The following ADAMTS15 variants were observed in gnomAD, a reference collection of about 807,000 sequenced individuals.
The protein encoded by ADAMTS15 is ADAM metallopeptidase with thrombospondin type 1 motif 15.
A neutral mutation model predicts 79.1 loss-of-function variants in ADAMTS15; 35 were observed. The ratio of observed to expected loss-of-function variants is 0.44; its 90% CI spans 0.34 to 0.59. ADAMTS15 has a LOEUF of 0.59. Among genes scored for constraint, ADAMTS15 ranks in the 20% least tolerant of loss-of-function variants. The probability of loss-of-function intolerance (pLI) is 0.02; values close to 1 mark genes in which losing one functional copy is unlikely to be tolerated. For synonymous variants in ADAMTS15, 616 were observed against 567.3 expected (o/e 1.09, Z -1.22); for missense variants, 1,324 against 1,318.7 (o/e 1.00, Z -0.06).
chr11:130,448,881 G>A lies in ADAMTS15; in HGVS notation c.-93G>A, dbSNP rs1937887919. 9 of 994,164 alleles carry A rather than the reference G, an allele frequency of 9.1e-6. No individual in the cohort carries two copies. The highest frequency in any genetic ancestry group is 3.0e-5 in the South Asian group (1 of 33,128). The allele number at this position is 994,164 out of a possible 1,614,324, so 61.6% of individuals were successfully genotyped here. On this transcript the variant is annotated 5_prime_UTR_variant, in exon 1 of 8. Coordinates refer to ENST00000299164, the MANE Select transcript of ADAMTS15 (RefSeq NM_139055.4). ...TGCCGGCTGTCCCGTAGCGTTGGCG[G>A]TTCCAGAGTGCGGGCTGCACGGAGA... is the stretch of plus-strand genomic sequence containing the variant.
At chr11:130,468,830 G>C (rs1371604238) in intron 4 of ADAMTS15, among the ~76,000 whole-genome samples, 2 of 150,456 alleles carry the variant, frequency 1.3e-5, no homozygotes, top group East Asian at 3.9e-4. Flanking sequence ...CCAGCTACTC[G>C]GGAGGCTGAG....
At chr11:130,460,277 GTTT>G (rs200642180) in intron 1 of ADAMTS15, among the ~76,000 whole-genome samples, 26 of 143,826 alleles carry the variant, frequency 1.8e-4, no homozygotes, top group Middle Eastern at 3.5e-3. Context: ...CACATCTTCT[GTTT>G]TTTTTTTTTT....
chr11:130,463,298 G>A (rs1938239766), intron 4 of ADAMTS15, among the ~76,000 whole-genome samples: 1 of 152,250 alleles, frequency 6.6e-6, no homozygotes, highest in Non-Finnish European at 1.5e-5. Flanking sequence ...TTCCATTTCT[G>A]TTGCGATTGC....
At chr11:130,456,915 C>T (rs544213813) in intron 1 of ADAMTS15, among the ~76,000 whole-genome samples, 2 of 152,260 alleles carry the variant, frequency 1.3e-5, no homozygotes, top group Admixed American at 6.5e-5. Flanking sequence ...CATGAGAATG[C>T]GTATGTCTTC....
rs552356435 is a variant in ADAMTS15, at chr11:130,468,782, A to T, written c.1543-480A>T. Among the ~76,000 whole-genome samples, 1,370 of 148,962 alleles carry T rather than the reference A, an allele frequency of 9.2e-3. 22 individuals are homozygous for T. The highest frequency in any genetic ancestry group is 0.031 in the African/African-American group (1,257 of 40,338). On this transcript the variant is annotated intron_variant, in intron 4 of 7. Coordinates refer to ENST00000299164, the MANE Select transcript of ADAMTS15 (RefSeq NM_139055.4). ...TCCATCTCAAAAAAAAAAAAAAAAA[A>T]AATAATTAGCCGGGCATGGTAGCCG...
At position 130,471,182 on chromosome 11, in the gene ADAMTS15, C is replaced by T. The variant is rs752326466; in HGVS notation, c.1903-26C>T. The T allele has an allele frequency of 3.2e-5, 51 of 1,586,318 alleles. No individual in the cohort carries two copies. In the East Asian group the frequency reaches 1.1e-3, roughly 35 times the overall value. ...CAGCTGAGCTGCCCTGCTCTTCCTT[C>T]TTTTTCCCCTTCTGGGGTGCTGCAG... On this transcript the variant is annotated intron_variant, in intron 6 of 7. Transcript: ENST00000299164.
At chr11:130,467,584 G>T (rs1231503664) in intron 4 of ADAMTS15, among the ~76,000 whole-genome samples, 1 of 152,096 alleles carries the variant, frequency 6.6e-6, no homozygotes, top group Non-Finnish European at 1.5e-5. Context: ...TTCCATGTGA[G>T]TTAGGCACTG....
intron 4 of ADAMTS15, 131 bp from the exon 5 acceptor site, chr11:130,469,131 A>G (rs1249746408): frequency 4.3e-6 from 4 of 920,008 alleles, no homozygotes; most frequent in East Asian, 3.0e-5. Context: ...TTCCTTCATG[A>G]TACAACATTA....
rs149819360 is a variant in ADAMTS15 at position 130,473,638 on chromosome 11, C to T, written c.2670C>T (p.Cys890=). The T allele has an allele frequency of 5.7e-5, 92 of 1,608,192 alleles. 1 individual carries two copies. Among genetic ancestry groups the T allele is most frequent in the African/African-American group, 9.3e-5 (7 of 74,928 alleles). Residue 890 remains cysteine (C), a synonymous_variant, in exon 8 of 8, where the codon TGC becomes TGT. Coordinates refer to ENST00000299164, the MANE Select transcript of ADAMTS15 (RefSeq NM_139055.4). ...AAHRPVETQA[C]GEPCPTWELS... The stretch of plus-strand genomic sequence containing the variant: ...ATCGGCCCGTGGAGACACAAGCCTG[C>T]GGGGAGCCCTGCCCCACCTGGGAGC...
Position 130,475,951 on chromosome 11 carries a change from C to T in ADAMTS15, c.*2130C>T, listed in dbSNP as rs2134746900. The T allele has an allele frequency of 6.6e-6, 1 of 152,372 alleles. No individual in the cohort carries two copies. 9.4% of individuals were successfully genotyped at this position (152,372 alleles called of 1,614,324 possible). A position where few individuals can be genotyped will look rare whatever the true frequency, so the allele number is the denominator to read the frequency against. ...GCTGGCCTCCAGTAGAGGAGAGCAG[C>T]TTTTGCCATCAGTCACTTTACAAAC... On this transcript the variant is annotated 3_prime_UTR_variant, in exon 8 of 8. Coordinates refer to ENST00000299164, the MANE Select transcript of ADAMTS15 (RefSeq NM_139055.4).
intron 4 of ADAMTS15, among the ~76,000 whole-genome samples, chr11:130,466,293 T>C (rs1209822643): frequency 6.6e-6 from 1 of 151,976 alleles, no homozygotes; most frequent in Non-Finnish European, 1.5e-5. Context: ...ATTTAGAGCT[T>C]GAAGACTCCC....
chr11:130,449,189 T>G lies in ADAMTS15; in HGVS notation c.216T>G (p.Ala72=). 6.2e-7 allele frequency: 1 copy of G among 1,613,226 alleles called. No homozygotes were observed. Among genetic ancestry groups the G allele is most frequent in the Non-Finnish European group, 8.5e-7 (1 of 1,179,416 alleles). Residue 72 remains alanine, a synonymous_variant, in exon 1 of 8, where the codon GCT becomes GCG. Transcript: ENST00000299164. The surrounding 1 kb of genome is among the most constrained non-coding windows in gnomAD (Gnocchi z 7.8). Reference sequence around the variant, plus strand: ...TTTACCTACACCTGACGCCGGATGCTCAGTTCTTGGCTCCCGCCTTCTCCA... The same window carrying G: ...TTTACCTACACCTGACGCCGGATGCGCAGTTCTTGGCTCCCGCCTTCTCCA... ...EDFYLHLTPD[A]QFLAPAFSTE...
chr11:130,452,265 A>T (rs1475248146), intron 1 of ADAMTS15, among the ~76,000 whole-genome samples: 1 of 152,166 alleles, frequency 6.6e-6, no homozygotes, highest in Admixed American at 6.5e-5. Flanking sequence ...GTATTTTGAC[A>T]ATTTGAGGAG....
At chr11:130,454,098 G>A (rs1447836629) in intron 1 of ADAMTS15, among the ~76,000 whole-genome samples, 6 of 152,344 alleles carry the variant, frequency 3.9e-5, no homozygotes, top group Admixed American at 2.6e-4. Flanking sequence ...GATTACAGGC[G>A]TGAGCCACTG....
At position 130,461,489 on chromosome 11, in the gene ADAMTS15, G is replaced by A. The variant is rs184041499; in HGVS notation, c.958G>A (p.Asp320Asn). 138 of 1,614,062 alleles carry A rather than the reference G, an allele frequency of 8.5e-5. 1 individual carries two copies. Among genetic ancestry groups the A allele is most frequent in the Non-Finnish European group, 1.0e-4 (122 of 1,180,014 alleles). The change falls in exon 2 of 8, where the codon GAC becomes AAC. Residue 320 changes from aspartate (D) to asparagine (N), a missense_variant and splice_region_variant. Coordinates refer to ENST00000299164, the MANE Select transcript of ADAMTS15 (RefSeq NM_139055.4). ...CTTCTGCTTCTCCCCCACCCGGCAG[G>A]ACCTGTGTGGAGCCACCACCTGTGA... ...WDTAILFTRQ[D>N]LCGATTCDTL...
chr11:130,461,956 G>A, intron 2 of ADAMTS15, 131 bp from the exon 3 acceptor site: 1 of 1,082,316 alleles, frequency 9.2e-7, no homozygotes, highest in Middle Eastern at 2.1e-4. Flanking sequence ...TTTGAAAGCA[G>A]TCTGTCGATA....
intron 1 of ADAMTS15, among the ~76,000 whole-genome samples, chr11:130,457,528 C>A (rs998909490): frequency 6.6e-6 from 1 of 152,140 alleles, no homozygotes; most frequent in Admixed American, 6.5e-5. Context: ...AGGTTCCTGG[C>A]CAAGATGATT....
At chr11:130,454,779 C>A (rs137880410) in intron 1 of ADAMTS15, among the ~76,000 whole-genome samples, 156 of 152,266 alleles carry the variant, frequency 1.0e-3, no homozygotes, top group Non-Finnish European at 1.8e-3. Context: ...CAAATGAGTT[C>A]ACCTGATATT....
At position 130,470,168 on chromosome 11, in the gene ADAMTS15, A is replaced by ATG. The variant is rs1555081039; in HGVS notation, c.1720+730_1720+731insGT. Among the ~76,000 whole-genome samples, 184 of 58,640 alleles carry ATG rather than the reference A, an allele frequency of 3.1e-3. 12 individuals are homozygous for ATG. The highest frequency in any genetic ancestry group is 0.015 in the African/African-American group (145 of 9,912). The allele number at this position is 58,640 out of a possible 152,430, so 38.5% of individuals were successfully genotyped here. ...TATATATATGTGTATATATATATAT[A>ATG]TATATATATATATGTGTGTATATAT... On this transcript the variant is annotated intron_variant, in intron 5 of 7. Transcript: ENST00000299164.
Sources: gnomAD v4.1 joint callset for allele counts (sites outside exome capture counted in the v4.1 genomes callset) on GRCh38, gnomAD v4.1.1 for gene constraint, Gnocchi (gnomAD v3.1) non-coding constraint, MANE v1.5 for transcripts, NCBI Gene and HGNC (gene_info 2026-07-23, HGNC 2026-07-21) for gene names.